PITPNC1: variants seen among roughly 807,000 people sequenced by gnomAD.
The protein encoded by PITPNC1 is cytoplasmic phosphatidylinositol transfer protein 1.
A neutral mutation model predicts 44.7 loss-of-function variants in PITPNC1; 18 were observed. The observed-to-expected ratio is 0.40, with a 90% CI of 0.28 to 0.60. The LOEUF (loss-of-function observed/expected upper bound fraction) is 0.60. Among genes scored for constraint, PITPNC1 ranks in the 20% least tolerant of loss-of-function variants. PITPNC1 has a pLI of 0.39. For missense variants in PITPNC1, 290 were observed against 418.4 expected, an observed-to-expected ratio of 0.69 and a Z score of 2.68; for synonymous variants, 141 against 149.6, an observed-to-expected ratio of 0.94 and a Z score of 0.42.
chr17:67,595,159 T>A (rs2041443830), intron 5 of PITPNC1, among the ~76,000 whole-genome samples: 1 of 152,226 alleles, frequency 6.6e-6, no homozygotes, highest in Non-Finnish European at 1.5e-5. Context: ...TACTGAATAG[T>A]GTTTGCATAT....
At chr17:67,488,445 C>A (rs183299411) in intron 1 of PITPNC1, among the ~76,000 whole-genome samples, 31 of 152,262 alleles carry the variant, frequency 2.0e-4, no homozygotes, top group Admixed American at 1.8e-3. Flanking sequence ...AGTCCAGGGG[C>A]CTGGTGTGTG....
chr17:67,632,583 T>TC (rs1372258910), intron 6 of PITPNC1, among the ~76,000 whole-genome samples: 1 of 150,770 alleles, frequency 6.6e-6, no homozygotes, highest in Non-Finnish European at 1.5e-5. Context: ...TTTTTTTTTT[T>TC]TTCTTTTTTT....
chr17:67,405,852 C>T (rs1439322136), intron 1 of PITPNC1, among the ~76,000 whole-genome samples: 1 of 152,088 alleles, frequency 6.6e-6, no homozygotes, highest in Non-Finnish European at 1.5e-5. Flanking sequence ...GGTGATCCTC[C>T]CGCCTTGGCC....
At chr17:67,395,403 C>T (rs1457948957) in intron 1 of PITPNC1, among the ~76,000 whole-genome samples, 1 of 152,080 alleles carries the variant, frequency 6.6e-6, no homozygotes, top group Non-Finnish European at 1.5e-5. Flanking sequence ...CCTGTCTTGG[C>T]CTCCCAAAAT....
chr17:67,661,588 C>T (rs559720777), intron 6 of PITPNC1, among the ~76,000 whole-genome samples: 2 of 152,162 alleles, frequency 1.3e-5, no homozygotes, highest in African/African-American at 4.8e-5. Context: ...GCTCTGTGAC[C>T]ACACATGCCC....
intron 5 of PITPNC1, among the ~76,000 whole-genome samples, chr17:67,631,355 C>A (rs141223758): frequency 6.7e-6 from 1 of 149,528 alleles, no homozygotes; most frequent in Non-Finnish European, 1.5e-5. Flanking sequence ...TATGGCCGGG[C>A]GCGGTGGCTC....
intron 1 of PITPNC1, among the ~76,000 whole-genome samples, chr17:67,504,472 A>C (rs1167547489): frequency 2.6e-5 from 4 of 152,180 alleles, no homozygotes; most frequent in African/African-American, 4.8e-5. Context: ...AAAACTATTG[A>C]AGAACAAGTT....
rs1599013725 is a variant in PITPNC1 at position 67,694,175 on chromosome 17, T to C, written c.*1287T>C. The C allele has an allele frequency of 6.6e-6, 1 of 152,206 alleles. No individual in the cohort carries two copies. Among genetic ancestry groups the C allele is most frequent in the East Asian group, 1.9e-4 (1 of 5,188 alleles). The allele number at this position is 152,206 out of a possible 1,614,324, so 9.4% of individuals were successfully genotyped here. On this transcript the variant is annotated 3_prime_UTR_variant, in exon 9 of 9. Coordinates refer to ENST00000581322, the MANE Select transcript of PITPNC1 (RefSeq NM_012417.4). ...ACTCACTGAAGTGACAGAAAGACAA[T>C]TCTCCTTTGCTCCAAAGAGAGAAAT...
chr17:67,608,210 T>C (rs1399922832), intron 5 of PITPNC1, among the ~76,000 whole-genome samples: 1 of 147,738 alleles, frequency 6.8e-6, no homozygotes, highest in Non-Finnish European at 1.5e-5. Flanking sequence ...AAATAAAAAC[T>C]TTAAGAAATT....
intron 1 of PITPNC1, among the ~76,000 whole-genome samples, chr17:67,440,903 T>C (rs977070193): frequency 1.3e-5 from 2 of 151,948 alleles, no homozygotes; most frequent in East Asian, 1.9e-4. Flanking sequence ...ACTGGGAACA[T>C]TATGACACCC....
chr17:67,587,859 A>G (rs2041340882), intron 5 of PITPNC1, among the ~76,000 whole-genome samples: 1 of 152,206 alleles, frequency 6.6e-6, no homozygotes, highest in Non-Finnish European at 1.5e-5. Flanking sequence ...CTCAACTTGC[A>G]TGGCTTTGGA....
At chr17:67,623,905 T>C (rs986243289) in intron 5 of PITPNC1, among the ~76,000 whole-genome samples, 2 of 152,182 alleles carry the variant, frequency 1.3e-5, no homozygotes, top group African/African-American at 2.4e-5. Context: ...GAAACAAATC[T>C]AGAAATGAAG....
At chr17:67,456,171 T>C (rs146016467) in intron 1 of PITPNC1, among the ~76,000 whole-genome samples, 191 of 152,354 alleles carry the variant, frequency 1.3e-3, no homozygotes, top group Admixed American at 2.8e-3. Flanking sequence ...TTGATCCTAA[T>C]GATGCTTTTA....
At chr17:67,560,346 C>T (rs554242456) in intron 4 of PITPNC1, among the ~76,000 whole-genome samples, 1 of 152,262 alleles carries the variant, frequency 6.6e-6, no homozygotes, top group East Asian at 1.9e-4. Flanking sequence ...TAATGTGTTG[C>T]CTGAAGATGA....
intron 1 of PITPNC1, among the ~76,000 whole-genome samples, chr17:67,483,985 C>T (rs1437168448): frequency 1.4e-5 from 2 of 145,536 alleles, no homozygotes; most frequent in Non-Finnish European, 3.0e-5. Flanking sequence ...GTGGCATGAT[C>T]TTGGCTCACT....
At position 67,549,818 on chromosome 17, in the gene PITPNC1, G is replaced by A. The variant is rs140784061; in HGVS notation, c.198-2439G>A. 7.3e-4 allele frequency among the ~76,000 whole-genome samples: 111 copies of A among 152,240 alleles called. 1 individual carries two copies. In the South Asian group the frequency reaches 0.015, roughly 20 times the overall value. On this transcript the variant is annotated intron_variant, in intron 2 of 8. Coordinates refer to ENST00000581322, the MANE Select transcript of PITPNC1 (RefSeq NM_012417.4). Reference sequence around the variant, plus strand: ...TTTAATACCGTAGGGAGACATATGCGCTTTGTCTAAGCTAAACAATGCCTG... The same window carrying A: ...TTTAATACCGTAGGGAGACATATGCACTTTGTCTAAGCTAAACAATGCCTG...
At chr17:67,658,073 T>C (rs566477988) in intron 6 of PITPNC1, among the ~76,000 whole-genome samples, 1 of 152,312 alleles carries the variant, frequency 6.6e-6, no homozygotes, top group African/African-American at 2.4e-5. Flanking sequence ...CAGGTTCCTC[T>C]TGCTCAGTCA....
At chr17:67,386,026 A>C (rs1381961077) in intron 1 of PITPNC1, among the ~76,000 whole-genome samples, 1 of 152,184 alleles carries the variant, frequency 6.6e-6, no homozygotes, top group African/African-American at 2.4e-5. Flanking sequence ...TTATTGTGAT[A>C]TGGAGGAAGT....
chr17:67,692,830 C>T lies in PITPNC1; in HGVS notation c.941C>T (p.Thr314Ile). ...CTTCCAGACCCTGAGAAAAAAGCCA[C>T]CCTGAATTTACCCGGCATGCACTCT... Reference protein sequence around the residue: ...LTLPDPEKKATLNLPGMHSSD... With the variant: ...LTLPDPEKKAILNLPGMHSSD... Residue 314 changes from threonine to isoleucine, a missense_variant, in exon 9 of 9, where the codon ACC becomes ATC. Thr to Ile is a moderately conservative substitution (Grantham distance 89). Coordinates refer to ENST00000581322, the MANE Select transcript of PITPNC1 (RefSeq NM_012417.4). The T allele has an allele frequency of 1.2e-6, 2 of 1,613,824 alleles. No individual in the cohort carries two copies. Among genetic ancestry groups the T allele is most frequent in the Non-Finnish European group, 1.7e-6 (2 of 1,179,768 alleles).
Sources: allele counts gnomAD v4.1 joint callset (sites outside exome capture counted in the v4.1 genomes callset), GRCh38; gene constraint gnomAD v4.1.1; transcripts MANE v1.5; gene names NCBI Gene and HGNC (gene_info 2026-07-23, HGNC 2026-07-21).